INSL6: variants seen among roughly 807,000 people sequenced by gnomAD.
The protein encoded by INSL6 is insulin like 6.
Under a neutral mutation model 9.4 loss-of-function variants are expected in INSL6, and 16 were observed. The observed-to-expected ratio is 1.70, with a 90% CI of 1.15 to 2.59. INSL6 has a LOEUF of 2.59. Among genes scored for constraint, INSL6 ranks in the 30% most tolerant of loss-of-function variants. The probability of loss-of-function intolerance (pLI) is 0.00; values close to 1 mark genes in which losing one functional copy is unlikely to be tolerated. For synonymous variants in INSL6, 154 were observed against 96.9 expected (o/e 1.59, Z -3.46); for missense variants, 391 against 257.3 (o/e 1.52, Z -3.56).
the INSL6 span, among the ~76,000 whole-genome samples, chr9:5,071,513 C>T: frequency 1.3e-4 from 20 of 152,058 alleles, no homozygotes; most frequent in Non-Finnish European, 2.2e-4. Context: ...TAAATATCCT[C>T]ATTGACATTA....
intron 1 of INSL6, among the ~76,000 whole-genome samples, chr9:5,169,968 A>G (rs929153027): frequency 1.3e-5 from 2 of 152,206 alleles, no homozygotes; most frequent in African/African-American, 4.8e-5. Context: ...TGAGACAGAA[A>G]ATTAACAAAG....
the INSL6 span, among the ~76,000 whole-genome samples, chr9:5,059,189 T>C: frequency 6.6e-6 from 1 of 152,316 alleles, no homozygotes; most frequent in South Asian, 2.1e-4. Context: ...AGAATAGTTC[T>C]CTTACTCCTA....
the INSL6 span, among the ~76,000 whole-genome samples, chr9:5,038,585 T>G: frequency 7.4e-6 from 1 of 135,182 alleles, no homozygotes; most frequent in Non-Finnish European, 1.5e-5. Flanking sequence ...CAGAAGTGTT[T>G]TGGATTTTAG....
At chr9:5,153,304 G>A (rs887457946) in intron 2 of INSL6, among the ~76,000 whole-genome samples, 2 of 152,154 alleles carry the variant, frequency 1.3e-5, no homozygotes, top group African/African-American at 4.8e-5. Context: ...TGAAATTCTC[G>A]TGCCAGCACA....
the INSL6 span, chr9:5,022,276 A>G: frequency 2.8e-6 from 3 of 1,086,942 alleles, no homozygotes; most frequent in South Asian, 1.3e-5. Context: ...TGCTATGCTA[A>G]TACTAGGTAC....
chr9:5,011,708 A>C, the INSL6 span, among the ~76,000 whole-genome samples: 1 of 152,188 alleles, frequency 6.6e-6, no homozygotes, highest in African/African-American at 2.4e-5. Flanking sequence ...TGGGTGATAC[A>C]GTGTAGAAAC....
chr9:5,091,079 G>C, the INSL6 span: 84 of 508,686 alleles, frequency 1.7e-4, no homozygotes, highest in Non-Finnish European at 2.2e-4. Flanking sequence ...CATGGTTATA[G>C]TCCACGTGGG....
the INSL6 span, chr9:5,064,822 A>T: frequency 7.8e-7 from 1 of 1,288,454 alleles, no homozygotes; most frequent in Admixed American, 2.6e-5. Context: ...GAAAATTTTC[A>T]ATATTTAACA....
At chr9:4,994,280 T>A in the INSL6 span, among the ~76,000 whole-genome samples, 1 of 152,224 alleles carries the variant, frequency 6.6e-6, no homozygotes, top group East Asian at 1.9e-4. Flanking sequence ...AGTCACAGTT[T>A]CCAAGAACCT....
chr9:5,019,788 T>TG, the INSL6 span, among the ~76,000 whole-genome samples: 1 of 151,980 alleles, frequency 6.6e-6, no homozygotes, highest in Non-Finnish European at 1.5e-5. Flanking sequence ...CTCTGTAAGA[T>TG]TTTTTTTCCT....
the INSL6 span, chr9:5,068,988 A>G: frequency 4.8e-6 from 6 of 1,241,508 alleles, no homozygotes; most frequent in African/African-American, 4.6e-5. Context: ...CATTGTGACT[A>G]TCCCTCCCTT....
chr9:5,083,959 C>T, the INSL6 span, among the ~76,000 whole-genome samples: 6 of 151,748 alleles, frequency 4.0e-5, no homozygotes, highest in African/African-American at 1.4e-4. Context: ...CAAGATTTTC[C>T]CATTATTAAT....
chr9:5,167,592 G>C (rs1417639422), intron 1 of INSL6, among the ~76,000 whole-genome samples: 1 of 152,200 alleles, frequency 6.6e-6, no homozygotes, highest in Non-Finnish European at 1.5e-5. Context: ...CCCAGTGGAG[G>C]GTTTATGGAT....
chr9:5,159,656 CATT>C (rs1235803296), downstream of INSL6, among the ~76,000 whole-genome samples: 3 of 152,180 alleles, frequency 2.0e-5, no homozygotes, highest in Non-Finnish European at 2.9e-5. Flanking sequence ...ATAAAGCAAA[CATT>C]GTTGGAGCTA....
the INSL6 span, among the ~76,000 whole-genome samples, chr9:5,113,157 T>C: frequency 6.9e-6 from 1 of 144,050 alleles, no homozygotes; most frequent in Non-Finnish European, 1.5e-5. Flanking sequence ...ACCCTGAAAC[T>C]GCATCTTGGC....
the INSL6 span, among the ~76,000 whole-genome samples, chr9:5,020,135 C>G: frequency 4.6e-5 from 7 of 152,116 alleles, no homozygotes; most frequent in African/African-American, 1.7e-4. Context: ...GTAGGAGAAC[C>G]TCTGGCTGTC....
chr9:5,139,115 T>G (rs1356234961), intron 2 of INSL6, among the ~76,000 whole-genome samples: 1 of 152,098 alleles, frequency 6.6e-6, no homozygotes, highest in African/African-American at 2.4e-5. Flanking sequence ...TAATGCCAAA[T>G]AAAGGTCATA....
intron 2 of INSL6, among the ~76,000 whole-genome samples, chr9:5,138,396 G>A (rs1824426846): frequency 6.6e-6 from 1 of 152,180 alleles, no homozygotes; most frequent in African/African-American, 2.4e-5. Context: ...GGAATACTGT[G>A]CAGCCATCAA....
At chr9:5,080,772 C>G in the INSL6 span, 7 of 1,018,190 alleles carry the variant, frequency 6.9e-6, no homozygotes, top group Middle Eastern at 2.8e-4. Flanking sequence ...TCCTTTAAAA[C>G]ATTTTCTTGA....
Sources: allele counts gnomAD v4.1 joint callset (sites outside exome capture counted in the v4.1 genomes callset), GRCh38; gene constraint gnomAD v4.1.1; transcripts MANE v1.5; gene names NCBI Gene and HGNC (gene_info 2026-07-23, HGNC 2026-07-21).